DIP2C: variants seen among roughly 807,000 people sequenced by gnomAD.
DIP2C encodes DIP2 acetate--CoA ligase C (putative), also known as disco-interacting protein 2 homolog C.
In DIP2C, 33 loss-of-function variants were observed where a neutral mutation model predicts 192.4. That is an observed-to-expected ratio of 0.17 (90% confidence interval 0.13 to 0.23). The LOEUF is 0.23. Among genes scored for constraint, DIP2C ranks in the 10% least tolerant of loss-of-function variants. The pLI is 1.00. For synonymous variants in DIP2C, 979 were observed against 864.1 expected (o/e 1.13, Z -2.33); for missense variants, 1,537 against 2,110.1 (o/e 0.73, Z 5.32).
intron 4 of DIP2C, among the ~76,000 whole-genome samples, chr10:424,501 G>A (rs1025286443): frequency 2.4e-4 from 36 of 151,636 alleles, no homozygotes; most frequent in African/African-American, 8.5e-4. Flanking sequence ...AGGTAGCTGA[G>A]ATTACAGGCA....
At chr10:397,449 G>A (rs1024919892) in intron 10 of DIP2C, among the ~76,000 whole-genome samples, 1 of 151,090 alleles carries the variant, frequency 6.6e-6, no homozygotes, top group Admixed American at 6.6e-5. Context: ...AGAATCGCTT[G>A]AACCCGAGGG....
At chr10:672,113 G>C (rs1830678802) in intron 1 of DIP2C, among the ~76,000 whole-genome samples, 1 of 147,918 alleles carries the variant, frequency 6.8e-6, no homozygotes, top group Admixed American at 6.7e-5. Flanking sequence ...ACAGACGCAC[G>C]GAGGGAGGAA....
intron 1 of DIP2C, among the ~76,000 whole-genome samples, chr10:489,030 G>A (rs186156542): frequency 5.1e-4 from 77 of 152,276 alleles, no homozygotes; most frequent in Non-Finnish European, 9.6e-4. Flanking sequence ...GGGCAAAGGG[G>A]AAACTTACGA....
intron 1 of DIP2C, among the ~76,000 whole-genome samples, chr10:540,850 A>G (rs1288312759): frequency 3.3e-5 from 5 of 152,218 alleles, no homozygotes; most frequent in East Asian, 1.9e-4. Flanking sequence ...AAACACAGGT[A>G]AAGTCTTTCA....
intron 1 of DIP2C, among the ~76,000 whole-genome samples, chr10:560,389 AAAAAG>A (rs1406255195): frequency 6.6e-6 from 1 of 152,116 alleles, no homozygotes; most frequent in Admixed American, 6.5e-5. Flanking sequence ...ATTTAAAAAA[AAAAAG>A]AAAAAAGTGT....
At chr10:372,795 G>A (rs1380538375) in intron 17 of DIP2C, among the ~76,000 whole-genome samples, 17 of 152,016 alleles carry the variant, frequency 1.1e-4, no homozygotes, top group African/African-American at 3.6e-4. Context: ...GGGAGCTCCC[G>A]GCACACAGGC....
intron 9 of DIP2C, among the ~76,000 whole-genome samples, chr10:406,668 C>CT (rs1964827354): frequency 6.6e-6 from 1 of 152,142 alleles, no homozygotes; most frequent in Admixed American, 6.5e-5. Flanking sequence ...GAAATTACCC[C>CT]TTTCTTGCTT....
intron 1 of DIP2C, among the ~76,000 whole-genome samples, chr10:614,625 T>A (rs1360270788): frequency 6.6e-6 from 1 of 152,268 alleles, no homozygotes; most frequent in East Asian, 1.9e-4. Flanking sequence ...CTACAGCTGC[T>A]GAGCCCCGAA....
chr10:604,557 G>A (rs759729418), intron 1 of DIP2C, among the ~76,000 whole-genome samples: 23 of 152,358 alleles, frequency 1.5e-4, no homozygotes, highest in Non-Finnish European at 3.4e-4. Flanking sequence ...GCAAGCGTGC[G>A]GACACGCACC....
At chr10:543,279 G>A (rs1170190424) in intron 1 of DIP2C, among the ~76,000 whole-genome samples, 1 of 152,208 alleles carries the variant, frequency 6.6e-6, no homozygotes, top group Admixed American at 6.5e-5. Flanking sequence ...CGCATTTCCG[G>A]GCAAGTGTCT....
chr10:370,258 C>T (rs969779372), intron 17 of DIP2C, among the ~76,000 whole-genome samples: 4 of 152,224 alleles, frequency 2.6e-5, no homozygotes, highest in Non-Finnish European at 4.4e-5. Context: ...AAGACGGGTC[C>T]GCATAAGGCA....
intron 35 of DIP2C, among the ~76,000 whole-genome samples, chr10:282,623 A>G (rs1954891443): frequency 6.6e-6 from 1 of 152,258 alleles, no homozygotes; most frequent in South Asian, 2.1e-4. Context: ...GCAAAGAATT[A>G]ACTATACAAG....
In DIP2C at chr10:363,621, A is replaced by G; in HGVS notation, c.2478-310T>C. 6.6e-6 allele frequency among the ~76,000 whole-genome samples: 1 copy of G among 152,186 alleles called. No individual in the cohort carries two copies. The highest frequency in any genetic ancestry group is 1.9e-4 in the East Asian group (1 of 5,188). ...AAATGCGCAATGATCAGACCTGCTG[A>G]AATTTAGGGAGTCACACCCTTCACA... On this transcript the variant is annotated intron_variant, in intron 20 of 36. Transcript: ENST00000280886. This position sits in a 1 kb window ranked among gnomAD's most constrained non-coding sequence, Gnocchi z 5.4.
chr10:495,286 A>G (rs1202000065), intron 1 of DIP2C, among the ~76,000 whole-genome samples: 1 of 152,172 alleles, frequency 6.6e-6, no homozygotes, highest in East Asian at 1.9e-4. Context: ...TCAATTCTGG[A>G]GATCGAATGT....
chr10:678,159 C>A (rs1830938488), intron 1 of DIP2C, among the ~76,000 whole-genome samples: 1 of 152,168 alleles, frequency 6.6e-6, no homozygotes, highest in East Asian at 1.9e-4. Context: ...TTTGGGGAGT[C>A]CCTACAGGTG....
chr10:644,375 CT>C (rs1855351820), intron 1 of DIP2C, among the ~76,000 whole-genome samples: 1 of 152,284 alleles, frequency 6.6e-6, no homozygotes, highest in East Asian at 1.9e-4. Context: ...AAGAGTGAAG[CT>C]GTTGAAAGCC....
chr10:307,984 T>C (rs556198886), intron 32 of DIP2C, among the ~76,000 whole-genome samples: 1 of 144,580 alleles, frequency 6.9e-6, no homozygotes, highest in South Asian at 2.2e-4. Context: ...CAGGGAGGCT[T>C]TGGGGGTGCC....
At chr10:430,743 AC>A (rs1246506109) in intron 4 of DIP2C, among the ~76,000 whole-genome samples, 3 of 152,168 alleles carry the variant, frequency 2.0e-5, no homozygotes, top group Admixed American at 6.5e-5. Flanking sequence ...AAAACTTATC[AC>A]CAAATCAAAG....
chr10:387,893 C>G, intron 13 of DIP2C, 84 bp from the exon 14 acceptor site: 1 of 1,357,562 alleles, frequency 7.4e-7, no homozygotes, highest in South Asian at 1.2e-5. Flanking sequence ...AATATTGCAT[C>G]AGGGGAAATA....
Sources: allele counts gnomAD v4.1 joint callset (sites outside exome capture counted in the v4.1 genomes callset), GRCh38; gene constraint gnomAD v4.1.1; non-coding constraint Gnocchi (gnomAD v3.1); transcripts MANE v1.5; gene names NCBI Gene and HGNC (gene_info 2026-07-23, HGNC 2026-07-21).